CECR2: variants seen among roughly 807,000 people sequenced by gnomAD.
CECR2 encodes chromatin remodeling regulator CECR2.
CECR2 carries 30 observed loss-of-function variants against 154.5 expected under a neutral mutation model. The observed-to-expected ratio is 0.19, with a 90% CI of 0.15 to 0.26. The LOEUF is 0.26. Ranked by LOEUF, CECR2 falls within the 10% of genes least tolerant of loss-of-function variation. CECR2 has a pLI of 1.00. For synonymous variants in CECR2, 725 were observed against 683.7 expected (o/e 1.06, Z -0.94); for missense variants, 1,743 against 1,829.3 (o/e 0.95, Z 0.86).
intron 4 of CECR2, 77 bp downstream of exon 4, chr22:17,499,626 G>A: frequency 7.1e-7 from 1 of 1,416,626 alleles, no homozygotes; most frequent in Non-Finnish European, 9.4e-7. Flanking sequence ...GAATTCTACA[G>A]CACAATTTTT....
In CECR2 at chr22:17,542,270, G is replaced by A; in HGVS notation, c.2127G>A (p.Leu709=). The change falls in exon 16 of 19, where the codon TTG becomes TTA. Residue 709 remains leucine, a synonymous_variant. Transcript: ENST00000262608. ...ACATGGGCCCACACCCTGGATCCTT[G>A]CAGCTTGGGCAGATAAGTGGCCCAA... ...LSNMGPHPGS[L]QLGQISGPSQ... The A allele has an allele frequency of 6.2e-7, 1 of 1,610,752 alleles. No homozygotes were observed. Among genetic ancestry groups the A allele is most frequent in the Non-Finnish European group, 8.5e-7 (1 of 1,178,456 alleles).
rs572107045 is a variant in CECR2, at chr22:17,451,633, T to G, written c.127-25955T>G. ...ACCAGAGCCCAGGGCTTTTCAACGG[T>G]GGTTTCCTTTGCCTGGAAAGTTCTT... On this transcript the variant is annotated intron_variant, in intron 1 of 18. Transcript: ENST00000262608. Among the ~76,000 whole-genome samples, 3 of 152,276 alleles carry G rather than the reference T, an allele frequency of 2.0e-5. No homozygotes were observed. In the South Asian group the frequency reaches 6.2e-4, roughly 32 times the overall value.
At chr22:17,518,870 T>C (rs2056107097) in intron 8 of CECR2, 1 of 252,670 alleles carries the variant, frequency 4.0e-6, no homozygotes, top group Non-Finnish European at 7.9e-6. Flanking sequence ...TCCTTTCTCT[T>C]AGTATCCTTC....
intron 7 of CECR2, among the ~76,000 whole-genome samples, chr22:17,510,243 TG>T (rs2055919226): frequency 6.6e-6 from 1 of 152,220 alleles, no homozygotes; most frequent in Admixed American, 6.5e-5. Context: ...GCAACTATCA[TG>T]GTAAACTGGC....
intron 2 of CECR2, among the ~76,000 whole-genome samples, chr22:17,480,874 T>C (rs919084869): frequency 6.6e-6 from 1 of 151,484 alleles, no homozygotes; most frequent in African/African-American, 2.4e-5. Context: ...ACCCGGTCTC[T>C]ACTAAAAATA....
At chr22:17,514,095 A>G (rs5992727) in intron 8 of CECR2, among the ~76,000 whole-genome samples, 9,690 of 152,176 alleles carry the variant, frequency 0.064, 361 homozygotes, top group African/African-American at 0.093. Flanking sequence ...TCTGGCCTCT[A>G]TTGGTCACTC....
At chr22:17,457,398 A>G (rs2054871068) in intron 1 of CECR2, among the ~76,000 whole-genome samples, 1 of 152,186 alleles carries the variant, frequency 6.6e-6, no homozygotes, top group Non-Finnish European at 1.5e-5. Context: ...ATCTAGCTCA[A>G]TTCTATTTTC....
intron 1 of CECR2, among the ~76,000 whole-genome samples, chr22:17,412,657 T>A (rs1198045912): frequency 1.3e-5 from 2 of 152,022 alleles, no homozygotes; most frequent in Admixed American, 6.6e-5. Context: ...TAAAGGAAAA[T>A]TAGGACTTCG....
At chr22:17,521,842 A>G (rs1476351137) in intron 8 of CECR2, among the ~76,000 whole-genome samples, 1 of 152,178 alleles carries the variant, frequency 6.6e-6, no homozygotes, top group Non-Finnish European at 1.5e-5. Context: ...TATGTCCTGA[A>G]TGGTAATGCC....
intron 1 of CECR2, among the ~76,000 whole-genome samples, chr22:17,386,840 A>G (rs1316596809): frequency 6.6e-6 from 1 of 152,040 alleles, no homozygotes; most frequent in Non-Finnish European, 1.5e-5. Context: ...TAGTAGAGAC[A>G]GGGTTTCATC....
intron 1 of CECR2, among the ~76,000 whole-genome samples, chr22:17,458,982 T>C (rs1485832665): frequency 6.6e-6 from 1 of 152,360 alleles, no homozygotes; most frequent in Admixed American, 6.5e-5. Context: ...TGAGTCATTA[T>C]GAATTACTGT....
chr22:17,522,344 C>A (rs1420843307), intron 8 of CECR2, among the ~76,000 whole-genome samples: 2 of 152,114 alleles, frequency 1.3e-5, no homozygotes, highest in East Asian at 3.8e-4. Flanking sequence ...CAATTAAGAA[C>A]CTTGGAAGTG....
At chr22:17,475,776 C>G (rs1276402572) in intron 1 of CECR2, among the ~76,000 whole-genome samples, 2 of 152,102 alleles carry the variant, frequency 1.3e-5, no homozygotes, top group East Asian at 1.9e-4. Context: ...ATGAGCCATT[C>G]AAGTCTTCCC....
At chr22:17,393,306 A>G (rs527513088) in intron 1 of CECR2, among the ~76,000 whole-genome samples, 1 of 152,196 alleles carries the variant, frequency 6.6e-6, no homozygotes, top group South Asian at 2.1e-4. Context: ...TTCATTTAGC[A>G]TAATGTTTTT....
chr22:17,378,367 G>C (rs1262067844), intron 1 of CECR2, among the ~76,000 whole-genome samples: 1 of 149,466 alleles, frequency 6.7e-6, no homozygotes, highest in East Asian at 2.0e-4. Context: ...CACGATCTCG[G>C]CTCACTGCAA....
chr22:17,515,248 G>A (rs1399745658), intron 8 of CECR2, among the ~76,000 whole-genome samples: 2 of 152,176 alleles, frequency 1.3e-5, no homozygotes, highest in Admixed American at 6.6e-5. Context: ...CAAGTGCAGG[G>A]CCGTGCTGGA....
chr22:17,440,960 G>T (rs2054576221), intron 1 of CECR2, among the ~76,000 whole-genome samples: 1 of 147,148 alleles, frequency 6.8e-6, no homozygotes, highest in Admixed American at 6.8e-5. Context: ...GGGGGGAGGG[G>T]CAGGGGGCAG....
chr22:17,456,625 T>G (rs189398665), intron 1 of CECR2, among the ~76,000 whole-genome samples: 171 of 152,354 alleles, frequency 1.1e-3, no homozygotes, highest in African/African-American at 4.0e-3. Context: ...AATTCCTGTT[T>G]TCCTCAGAAA....
chr22:17,533,051 C>T (rs1485319402), intron 9 of CECR2, among the ~76,000 whole-genome samples: 1 of 151,930 alleles, frequency 6.6e-6, no homozygotes, highest in Non-Finnish European at 1.5e-5. Context: ...GGCGCGGTGG[C>T]TCACACCTGT....
Sources: allele counts gnomAD v4.1 joint callset (sites outside exome capture counted in the v4.1 genomes callset), GRCh38; gene constraint gnomAD v4.1.1; transcripts MANE v1.5; gene names NCBI Gene and HGNC (gene_info 2026-07-23, HGNC 2026-07-21).